The following SH3RF3 variants were observed in gnomAD, a reference collection of about 807,000 sequenced individuals.
SH3RF3 encodes the protein SH3 domain containing ring finger 3.
In SH3RF3, 29 loss-of-function variants were observed where a neutral mutation model predicts 66.3. That is an observed-to-expected ratio of 0.44 (90% CI 0.33 to 0.60). The LOEUF (loss-of-function observed/expected upper bound fraction) is 0.60. Among genes scored for constraint, SH3RF3 ranks in the 20% least tolerant of loss-of-function variants. The probability of loss-of-function intolerance (pLI) is 0.04; values close to 1 mark genes in which losing one functional copy is unlikely to be tolerated. For synonymous variants in SH3RF3, 583 were observed against 532.0 expected, an observed-to-expected ratio of 1.10 and a Z score of -1.32; for missense variants, 1,194 against 1,190.9, an observed-to-expected ratio of 1.00 and a Z score of -0.04.
At chr2:109,192,164 T>C (rs892090026) in intron 1 of SH3RF3, among the ~76,000 whole-genome samples, 7 of 152,194 alleles carry the variant, frequency 4.6e-5, no homozygotes, top group African/African-American at 1.7e-4. Context: ...AGCGGTTCGG[T>C]TCTACATATG....
intron 2 of SH3RF3, among the ~76,000 whole-genome samples, chr2:109,369,059 A>T (rs1422534332): frequency 6.6e-6 from 1 of 152,044 alleles, no homozygotes; most frequent in Non-Finnish European, 1.5e-5. Flanking sequence ...GCCCTCCCAC[A>T]CTTGGCCGGG....
intron 1 of SH3RF3, among the ~76,000 whole-genome samples, chr2:109,153,329 CT>C (rs1397733560): frequency 2.6e-5 from 4 of 152,084 alleles, no homozygotes; most frequent in African/African-American, 7.2e-5. Context: ...AATTGCATGC[CT>C]TTTTTTCTCT....
intron 1 of SH3RF3, among the ~76,000 whole-genome samples, chr2:109,220,175 A>T (rs1679198579): frequency 1.3e-5 from 2 of 152,226 alleles, no homozygotes; most frequent in African/African-American, 4.8e-5. Flanking sequence ...GTCAATGAGG[A>T]ATGGGCAGCC....
chr2:109,277,557 C>T (rs962879263), intron 1 of SH3RF3, among the ~76,000 whole-genome samples: 3 of 152,174 alleles, frequency 2.0e-5, no homozygotes, highest in African/African-American at 7.2e-5. Flanking sequence ...AAAGTGCCTC[C>T]CTGAGACTTA....
intron 1 of SH3RF3, among the ~76,000 whole-genome samples, chr2:109,221,307 G>T (rs1225267764): frequency 1.3e-5 from 2 of 151,264 alleles, no homozygotes; most frequent in Non-Finnish European, 2.9e-5. Flanking sequence ...TCCTGGCTGG[G>T]CCAGGTGACT....
chr2:109,483,893 T>C (rs1255086127), intron 8 of SH3RF3, among the ~76,000 whole-genome samples: 2 of 152,076 alleles, frequency 1.3e-5, no homozygotes, highest in Non-Finnish European at 2.9e-5. Flanking sequence ...GAAGCACCTC[T>C]GCAGCCAGGG....
chr2:109,439,415 C>A (rs926655887), intron 7 of SH3RF3, among the ~76,000 whole-genome samples: 1 of 152,166 alleles, frequency 6.6e-6, no homozygotes, highest in Non-Finnish European at 1.5e-5. Context: ...CCACTTCATT[C>A]TGCATTTAGA....
chr2:109,450,661 A>AT (rs147896123), intron 8 of SH3RF3, among the ~76,000 whole-genome samples: 3,796 of 150,636 alleles, frequency 0.025, 72 homozygotes, highest in East Asian at 0.1. Context: ...ATATTTTAGT[A>AT]TTTTTTTTTT....
chr2:109,500,525 AG>A (rs1679361965), intron 9 of SH3RF3, among the ~76,000 whole-genome samples: 1 of 152,172 alleles, frequency 6.6e-6, no homozygotes, highest in Admixed American at 6.5e-5. Flanking sequence ...CAGAGGCTGC[AG>A]GGGGCCCAAG....
chr2:109,292,417 G>A (rs1681207175), intron 1 of SH3RF3, among the ~76,000 whole-genome samples: 1 of 152,114 alleles, frequency 6.6e-6, no homozygotes, highest in Admixed American at 6.5e-5. Context: ...TGTTTAATTG[G>A]AATATTTTCA....
chr2:109,143,413 A>G (rs961210340), intron 1 of SH3RF3, among the ~76,000 whole-genome samples: 8 of 152,144 alleles, frequency 5.3e-5, no homozygotes, highest in African/African-American at 1.9e-4. Context: ...AATATCTGAA[A>G]GCAACCCAGA....
chr2:109,339,005 T>C (rs1682494483), intron 1 of SH3RF3, among the ~76,000 whole-genome samples: 1 of 152,214 alleles, frequency 6.6e-6, no homozygotes, highest in Admixed American at 6.5e-5. Flanking sequence ...AAAGAAATTG[T>C]TATTTAAAAA....
rs1245723059 is a variant in SH3RF3 at position 109,199,238 on chromosome 2, A to C, written c.573+69125A>C. Among the ~76,000 whole-genome samples, 3 of 132,534 alleles carry C rather than the reference A, an allele frequency of 2.3e-5. No homozygotes were observed. In the East Asian group the frequency reaches 6.3e-4, roughly 28 times the overall value. 86.9% of individuals were successfully genotyped at this position (132,534 alleles called of 152,430 possible). ...GCCAGGCGTGGTGGCGGGTGCCTGT[A>C]GTCCCAGCTACGGGAGGTGCTTGCA... On this transcript the variant is annotated intron_variant, in intron 1 of 9. Coordinates refer to ENST00000309415, the MANE Select transcript of SH3RF3 (RefSeq NM_001099289.3).
chr2:109,396,496 G>T (rs919895111), intron 3 of SH3RF3, among the ~76,000 whole-genome samples: 2 of 152,216 alleles, frequency 1.3e-5, no homozygotes, highest in African/African-American at 4.8e-5. Flanking sequence ...CGGCCTGCAC[G>T]GAGCAGCCCT....
In SH3RF3 at chr2:109,419,635, C is replaced by T; in HGVS notation, c.1396C>T (p.Leu466Phe). The T allele has an allele frequency of 6.3e-7, 1 of 1,577,666 alleles. No individual in the cohort carries two copies. Among genetic ancestry groups the T allele is most frequent in the Non-Finnish European group, 8.6e-7 (1 of 1,163,486 alleles). ...QGTPPKVQLP[L>F]NVYLALYAYK... ...CACGCCTCCCAAGGTCCAGCTGCCC[C>T]TCAACGTGTGAGCTGCCCTTTGTGT... Residue 466 changes from leucine to phenylalanine, a missense_variant, in exon 5 of 10, where the codon CTC becomes TTC. Transcript: ENST00000309415.
chr2:109,270,342 CAG>C (rs1283474001), intron 1 of SH3RF3, among the ~76,000 whole-genome samples: 1 of 152,166 alleles, frequency 6.6e-6, no homozygotes, highest in Non-Finnish European at 1.5e-5. Context: ...GATTGCCATT[CAG>C]AGTCAGAAAG....
intron 1 of SH3RF3, among the ~76,000 whole-genome samples, chr2:109,222,121 C>A (rs1469439154): frequency 6.6e-6 from 1 of 151,956 alleles, no homozygotes; most frequent in East Asian, 1.9e-4. Flanking sequence ...TGGACGATCT[C>A]ACTCATATGT....
At chr2:109,439,405 C>T (rs914886063) in intron 7 of SH3RF3, among the ~76,000 whole-genome samples, 2 of 152,112 alleles carry the variant, frequency 1.3e-5, no homozygotes, top group Non-Finnish European at 2.9e-5. Context: ...GCGGCATTTT[C>T]CACTTCATTC....
intron 1 of SH3RF3, among the ~76,000 whole-genome samples, chr2:109,222,462 A>C (rs1181226330): frequency 6.6e-6 from 1 of 151,922 alleles, no homozygotes; most frequent in Non-Finnish European, 1.5e-5. Context: ...AAATATGTAC[A>C]ATTATTATGT....
Sources: allele counts gnomAD v4.1 joint callset (sites outside exome capture counted in the v4.1 genomes callset), GRCh38; gene constraint gnomAD v4.1.1; transcripts MANE v1.5; gene names NCBI Gene and HGNC (gene_info 2026-07-23, HGNC 2026-07-21).